Variants in PCMT1 observed in about 807,000 individuals in gnomAD.
The protein encoded by PCMT1 is protein-L-isoaspartate (D-aspartate) O-methyltransferase.
PCMT1 carries 9 observed loss-of-function variants against 29.2 expected under a neutral mutation model. That is an observed-to-expected ratio of 0.31 (90% confidence interval 0.19 to 0.54). The LOEUF (loss-of-function observed/expected upper bound fraction) is 0.54, where lower values mean the gene tolerates loss of function less well. Among genes scored for constraint, PCMT1 ranks in the 20% least tolerant of loss-of-function variants. PCMT1 has a pLI of 0.95. For missense variants in PCMT1, 184 were observed against 282.2 expected (o/e 0.65, Z 2.49); for synonymous variants, 98 against 97.5 (o/e 1.00, Z -0.03).
At chr6:149,789,066 A>ATT (rs56661461) in intron 3 of PCMT1, among the ~76,000 whole-genome samples, 1,376 of 90,462 alleles carry the variant, frequency 0.015, 1 homozygote, top group Non-Finnish European at 0.021. Flanking sequence ...ATTGGATCTG[A>ATT]TTTTTTTTTT....
At chr6:149,795,224 C>T (rs924057647) in intron 5 of PCMT1, 4 of 381,248 alleles carry the variant, frequency 1.0e-5, no homozygotes, top group Non-Finnish European at 1.5e-5. Context: ...TTAACTTCTC[C>T]AACACGACAG....
chr6:149,776,175 A>G (rs760690261), intron 3 of PCMT1, among the ~76,000 whole-genome samples: 4 of 152,154 alleles, frequency 2.6e-5, no homozygotes, highest in Non-Finnish European at 5.9e-5. Context: ...AGAAAAGGCT[A>G]AGATAGTTCA....
At chr6:149,806,826 A>G (rs1379604770) in intron 7 of PCMT1, among the ~76,000 whole-genome samples, 1 of 152,094 alleles carries the variant, frequency 6.6e-6, no homozygotes, top group Non-Finnish European at 1.5e-5. Flanking sequence ...TCCTGAGCTC[A>G]AGCGTTCCAC....
At chr6:149,751,207 CTT>C (rs1786300074) in intron 1 of PCMT1, among the ~76,000 whole-genome samples, 1 of 152,098 alleles carries the variant, frequency 6.6e-6, no homozygotes, top group Non-Finnish European at 1.5e-5. Context: ...ATCCCAGCTA[CTT>C]GTGAGGCTGA....
chr6:149,760,181 T>C (rs1786679503), intron 1 of PCMT1, among the ~76,000 whole-genome samples: 1 of 152,210 alleles, frequency 6.6e-6, no homozygotes, highest in Admixed American at 6.5e-5. Flanking sequence ...GTATCAGGTG[T>C]AAACACCTTT....
At chr6:149,796,546 C>T (rs374184567) in intron 6 of PCMT1, 46 bp downstream of exon 6, 4 of 1,268,518 alleles carry the variant, frequency 3.2e-6, no homozygotes, top group Non-Finnish European at 4.5e-6. Context: ...TCAACTAAAA[C>T]TCTACAAGAC....
Position 149,786,657 on chromosome 6 carries a change from C to T in PCMT1, c.193-3297C>T, listed in dbSNP as rs535071444. Among the ~76,000 whole-genome samples, 577 of 149,876 alleles carry T rather than the reference C, an allele frequency of 3.8e-3. 6 individuals are homozygous for T. Among genetic ancestry groups the T allele is most frequent in the African/African-American group, 0.014 (558 of 40,138 alleles). ...AGACGGGGTCGCGGCCGGGCAGAGA[C>T]GCTCCTCACCTCCCAGACGGGGTCG... On this transcript the variant is annotated intron_variant, in intron 3 of 7. Transcript: ENST00000464889.
Position 149,749,743 on chromosome 6 carries a change from A to C in PCMT1, c.-159A>C, listed in dbSNP as rs1225707949. Reference sequence around the variant, plus strand: ...GCCGCGGGGGATGCCGGGAGCGCGCAGTGGCGGCAGCGGCGGCGACGGCAG... The same window carrying C: ...GCCGCGGGGGATGCCGGGAGCGCGCCGTGGCGGCAGCGGCGGCGACGGCAG... On this transcript the variant is annotated 5_prime_UTR_variant, in exon 1 of 8. Transcript: ENST00000464889. 2 of 1,546,014 alleles carry C rather than the reference A, an allele frequency of 1.3e-6. No individual in the cohort carries two copies. Among genetic ancestry groups the C allele is most frequent in the East Asian group, 2.5e-5 (1 of 40,744 alleles).
chr6:149,771,970 T>C (rs1219375999), intron 2 of PCMT1: 4 of 456,630 alleles, frequency 8.8e-6, no homozygotes, highest in Non-Finnish European at 1.8e-5. Context: ...TAATGACTTC[T>C]CTGCTTTATT....
At chr6:149,795,504 C>T in intron 5 of PCMT1, 1 of 422,310 alleles carries the variant, frequency 2.4e-6, no homozygotes, top group Non-Finnish European at 4.5e-6. Context: ...TCCGTTTCTA[C>T]TGCACAGCCA....
At position 149,784,762 on chromosome 6, in the gene PCMT1, T is replaced by C. The variant is rs78996095; in HGVS notation, c.193-5192T>C. On this transcript the variant is annotated intron_variant, in intron 3 of 7. Coordinates refer to ENST00000464889, the MANE Select transcript of PCMT1 (RefSeq NM_001360452.2). ...ACAGGCTATGAACCACTGCTCCTAG[T>C]GTAACTCTCTCTTTTGCTGAAGTAT... Among the ~76,000 whole-genome samples, 1,913 of 152,208 alleles carry C rather than the reference T, an allele frequency of 0.013. 83 individuals are homozygous for C. The East Asian group carries it at 0.13, about 11-fold the overall frequency.
chr6:149,775,019 A>G (rs1787503247), intron 3 of PCMT1, among the ~76,000 whole-genome samples: 1 of 151,592 alleles, frequency 6.6e-6, no homozygotes, highest in African/African-American at 2.4e-5. Flanking sequence ...AACTTTTTGT[A>G]TTTTTAATAG....
intron 1 of PCMT1, among the ~76,000 whole-genome samples, chr6:149,767,394 T>G (rs1256187198): frequency 6.6e-6 from 1 of 151,948 alleles, no homozygotes; most frequent in Admixed American, 6.6e-5. Context: ...GCACTTTCTT[T>G]CCTTGAATTT....
chr6:149,755,961 G>A (rs1786487472), intron 1 of PCMT1, among the ~76,000 whole-genome samples: 1 of 152,164 alleles, frequency 6.6e-6, no homozygotes, highest in Admixed American at 6.6e-5. Flanking sequence ...CTTGGGATAA[G>A]CATTCCAGGC....
intron 2 of PCMT1, chr6:149,772,755 C>T (rs147577776): frequency 1.2e-4 from 43 of 359,542 alleles, no homozygotes; most frequent in Middle Eastern, 1.3e-3. Flanking sequence ...TGGTGGCTCA[C>T]GCCTGTAATC....
chr6:149,784,412 C>T (rs1056914365), intron 3 of PCMT1, among the ~76,000 whole-genome samples: 1 of 151,802 alleles, frequency 6.6e-6, no homozygotes, highest in African/African-American at 2.4e-5. Flanking sequence ...TATAATGAAC[C>T]TATAAATCAC....
At chr6:149,757,636 C>T (rs1428985430) in intron 1 of PCMT1, among the ~76,000 whole-genome samples, 2 of 152,056 alleles carry the variant, frequency 1.3e-5, no homozygotes, top group African/African-American at 4.8e-5. Flanking sequence ...CAGATTTTGG[C>T]TCATTATAAG....
intron 3 of PCMT1, among the ~76,000 whole-genome samples, chr6:149,775,486 G>A (rs541712531): frequency 3.9e-5 from 6 of 151,976 alleles, no homozygotes; most frequent in African/African-American, 1.4e-4. Context: ...CAGGAATATC[G>A]CTAGAAGCCA....
At chr6:149,779,185 C>T (rs1177027788) in intron 3 of PCMT1, among the ~76,000 whole-genome samples, 3 of 152,074 alleles carry the variant, frequency 2.0e-5, no homozygotes, top group African/African-American at 7.2e-5. Flanking sequence ...CTCCCTAGCT[C>T]GGCTGTAAAG....
Sources: allele counts gnomAD v4.1 joint callset (sites outside exome capture counted in the v4.1 genomes callset), GRCh38; gene constraint gnomAD v4.1.1; transcripts MANE v1.5; gene names NCBI Gene and HGNC (gene_info 2026-07-23, HGNC 2026-07-21).